Variants in SLC24A3 observed in about 807,000 individuals in gnomAD.
SLC24A3 encodes sodium/potassium/calcium exchanger 3.
Under a neutral mutation model 75.8 loss-of-function variants are expected in SLC24A3, and 28 were observed. The observed-to-expected ratio is 0.37, with a 90% CI of 0.27 to 0.51. The LOEUF is 0.51. SLC24A3 is among the 20% of genes least tolerant of loss of function. SLC24A3 has a pLI of 0.94. For synonymous variants in SLC24A3, 372 were observed against 334.1 expected (o/e 1.11, Z -1.24); for missense variants, 663 against 847.8 (o/e 0.78, Z 2.71).
At chr20:19,549,828 A>G (rs1246459220) in intron 3 of SLC24A3, among the ~76,000 whole-genome samples, 1 of 152,160 alleles carries the variant, frequency 6.6e-6, no homozygotes, top group African/African-American at 2.4e-5. Context: ...TTGACTCTTG[A>G]AAAAATTATA....
At position 19,578,977 on chromosome 20, in the gene SLC24A3, G is replaced by A. The variant is rs114134478; in HGVS notation, c.349-1023G>A. Among the ~76,000 whole-genome samples, 397 of 152,192 alleles carry A rather than the reference G, an allele frequency of 2.6e-3. 3 individuals are homozygous for A. The highest frequency in any genetic ancestry group is 9.3e-3 in the African/African-American group (388 of 41,522). On this transcript the variant is annotated intron_variant, in intron 3 of 16. Transcript: ENST00000328041. ...TCCTGGTCCACAGCAAGCAACAGAG[G>A]GTGAGAAATGGCTCCCTTTGGCAAA...
chr20:19,266,755 A>G (rs570193273), intron 1 of SLC24A3, among the ~76,000 whole-genome samples: 3 of 152,258 alleles, frequency 2.0e-5, no homozygotes, highest in East Asian at 1.9e-4. Context: ...TGTTCGGAGT[A>G]TATCAACAGA....
chr20:19,660,233 C>T lies in SLC24A3; in HGVS notation c.688-5631C>T, dbSNP rs542485775. On this transcript the variant is annotated intron_variant, in intron 7 of 16. Coordinates refer to ENST00000328041, the MANE Select transcript of SLC24A3 (RefSeq NM_020689.4). ...TCTGAAATTTTAGCATTCCCTTCAC[C>T]GGAGTAGTGTACATTATACCCAATA... Among the ~76,000 whole-genome samples the T allele has an allele frequency of 1.5e-4, 23 of 152,164 alleles. No homozygotes were observed. The South Asian group carries it at 2.7e-3, about 18-fold the overall frequency.
intron 1 of SLC24A3, 139 bp from the exon 2 acceptor site, chr20:19,280,820 A>G (rs531349630): frequency 1.3e-5 from 16 of 1,210,998 alleles, no homozygotes; most frequent in African/African-American, 6.1e-5. Flanking sequence ...GGAAGCCTTC[A>G]GGCAGCTAGA....
intron 4 of SLC24A3, among the ~76,000 whole-genome samples, chr20:19,583,995 C>T (rs1436147767): frequency 6.6e-6 from 1 of 152,222 alleles, no homozygotes; most frequent in East Asian, 1.9e-4. Context: ...CCGCCCCTCT[C>T]TGGCTGAGCA....
intron 9 of SLC24A3, among the ~76,000 whole-genome samples, chr20:19,680,725 C>T (rs569099946): frequency 2.6e-4 from 40 of 152,330 alleles, no homozygotes; most frequent in African/African-American, 9.6e-4. Context: ...AGGACCTCTT[C>T]GTCTCTCTGA....
chr20:19,439,670 C>T (rs1325771702), intron 2 of SLC24A3, among the ~76,000 whole-genome samples: 1 of 152,190 alleles, frequency 6.6e-6, no homozygotes, highest in Non-Finnish European at 1.5e-5. Context: ...TTGCTTTCTT[C>T]CTTTACATTT....
intron 4 of SLC24A3, among the ~76,000 whole-genome samples, chr20:19,582,804 T>C (rs1175799448): frequency 6.6e-6 from 1 of 152,084 alleles, no homozygotes; most frequent in Non-Finnish European, 1.5e-5. Flanking sequence ...AGAGTGAACA[T>C]GAACCAAAGC....
chr20:19,494,540 A>G (rs971444412), intron 2 of SLC24A3, among the ~76,000 whole-genome samples: 9 of 152,300 alleles, frequency 5.9e-5, no homozygotes, highest in Middle Eastern at 3.4e-3. Flanking sequence ...GGAAGGAAAT[A>G]CTACCCCATT....
At chr20:19,260,075 C>G (rs1982934419) in intron 1 of SLC24A3, among the ~76,000 whole-genome samples, 1 of 152,206 alleles carries the variant, frequency 6.6e-6, no homozygotes, top group African/African-American at 2.4e-5. Context: ...CCCAGCTCTG[C>G]TGCTGCACAG....
chr20:19,384,263 C>T (rs184096953), intron 2 of SLC24A3, among the ~76,000 whole-genome samples: 11 of 152,252 alleles, frequency 7.2e-5, no homozygotes, highest in Non-Finnish European at 1.5e-4. Flanking sequence ...TCATGCTATA[C>T]GTTAAATCTC....
At chr20:19,374,753 C>T (rs186254453) in intron 2 of SLC24A3, among the ~76,000 whole-genome samples, 11 of 152,188 alleles carry the variant, frequency 7.2e-5, no homozygotes, top group Non-Finnish European at 1.5e-4. Flanking sequence ...TTCATAGGCT[C>T]TCATGGCCCT....
intron 1 of SLC24A3, among the ~76,000 whole-genome samples, chr20:19,275,299 T>C (rs1983450035): frequency 1.3e-5 from 2 of 152,192 alleles, no homozygotes; most frequent in African/African-American, 4.8e-5. Context: ...GCATCAGCAT[T>C]CCCTGCAAGA....
chr20:19,685,406 C>A, intron 12 of SLC24A3, 45 bp downstream of exon 12: 1 of 1,598,794 alleles, frequency 6.3e-7, no homozygotes, highest in Non-Finnish European at 8.5e-7. Flanking sequence ...CTATTTTGAG[C>A]CACTGAGTAG....
chr20:19,411,354 T>A (rs1986741294), intron 2 of SLC24A3, among the ~76,000 whole-genome samples: 1 of 152,214 alleles, frequency 6.6e-6, no homozygotes, highest in Admixed American at 6.5e-5. Context: ...TGGACTTTAT[T>A]TTTTCTAACA....
chr20:19,437,264 C>A (rs1987220951), intron 2 of SLC24A3, among the ~76,000 whole-genome samples: 1 of 152,116 alleles, frequency 6.6e-6, no homozygotes, highest in Non-Finnish European at 1.5e-5. Flanking sequence ...GTAATTGAAT[C>A]ATGGGGGCAG....
chr20:19,281,133 G>A, intron 2 of SLC24A3, 46 bp downstream of exon 2: 1 of 1,604,170 alleles, frequency 6.2e-7, no homozygotes, highest in Admixed American at 1.7e-5. Flanking sequence ...ATTTTCTCTG[G>A]CTATGGCTGA....
intron 2 of SLC24A3, among the ~76,000 whole-genome samples, chr20:19,404,185 G>A (rs1161952945): frequency 1.3e-5 from 2 of 152,168 alleles, no homozygotes; most frequent in Admixed American, 6.5e-5. Flanking sequence ...ATATTTTTGA[G>A]TGCCTACTAT....
At chr20:19,650,800 T>G (rs765426058) in intron 6 of SLC24A3, among the ~76,000 whole-genome samples, 3 of 152,234 alleles carry the variant, frequency 2.0e-5, no homozygotes, top group Non-Finnish European at 4.4e-5. Context: ...GTGTTTACCT[T>G]GTGGCTTATA....
Sources: gnomAD v4.1 joint callset for allele counts (sites outside exome capture counted in the v4.1 genomes callset) on GRCh38, gnomAD v4.1.1 for gene constraint, MANE v1.5 for transcripts, NCBI Gene and HGNC (gene_info 2026-07-23, HGNC 2026-07-21) for gene names.